Variants in DPP6 observed in about 807,000 individuals in gnomAD.
DPP6 encodes the protein dipeptidyl peptidase like 6.
In DPP6, 69 loss-of-function variants were observed where a neutral mutation model predicts 122.6. The ratio of observed to expected loss-of-function variants is 0.56; its 90% CI spans 0.46 to 0.69. The LOEUF (loss-of-function observed/expected upper bound fraction) is 0.69, where lower values mean the gene tolerates loss of function less well. Ranked by LOEUF, DPP6 falls within the 30% of genes least tolerant of loss-of-function variation. DPP6 has a pLI of 0.00. For missense variants in DPP6, 928 were observed against 1,116.9 expected (o/e 0.83, Z 2.41); for synonymous variants, 418 against 433.1 (o/e 0.97, Z 0.43).
rs574195629 is a variant in DPP6 at position 154,163,782 on chromosome 7, G to A, written c.243+110719G>A. On this transcript the variant is annotated intron_variant, in intron 1 of 25. Coordinates refer to ENST00000377770, the MANE Select transcript of DPP6 (RefSeq NM_130797.4). Reference sequence around the variant, plus strand: ...AAGGTTCCAGGATCTCTGGGGCTGGGTGGAGCTATAGGGGTGGGAAGCACC... The same window carrying A: ...AAGGTTCCAGGATCTCTGGGGCTGGATGGAGCTATAGGGGTGGGAAGCACC... Among the ~76,000 whole-genome samples the A allele has an allele frequency of 9.8e-5, 15 of 152,302 alleles. No individual in the cohort carries two copies. The South Asian group carries it at 3.1e-3, about 32-fold the overall frequency.
At chr7:154,552,209 G>C (rs1001169014) in intron 4 of DPP6, among the ~76,000 whole-genome samples, 2 of 152,096 alleles carry the variant, frequency 1.3e-5, no homozygotes, top group Non-Finnish European at 2.9e-5. Flanking sequence ...GCTTTCCATC[G>C]TGATTGTTTT....
intron 17 of DPP6, among the ~76,000 whole-genome samples, chr7:154,861,719 A>G (rs1803414085): frequency 6.6e-6 from 1 of 152,234 alleles, no homozygotes; most frequent in Non-Finnish European, 1.5e-5. Flanking sequence ...TCTGAGATGC[A>G]TCTCTTAGCG....
intron 1 of DPP6, among the ~76,000 whole-genome samples, chr7:154,175,257 A>G (rs1797740254): frequency 6.6e-6 from 1 of 152,036 alleles, no homozygotes; most frequent in African/African-American, 2.4e-5. Context: ...GTACCTGGCA[A>G]AAGAGACTTT....
At chr7:153,883,745 C>T (rs1798819318), upstream of DPP6, among the ~76,000 whole-genome samples, 1 of 152,208 alleles carries the variant, frequency 6.6e-6, no homozygotes, top group Admixed American at 6.5e-5. Context: ...ATGGCAGTGG[C>T]TCAAGGTAGA....
intron 1 of DPP6, chr7:154,305,406 C>T: frequency 8.6e-7 from 1 of 1,169,028 alleles, no homozygotes; most frequent in Non-Finnish European, 1.1e-6. Context: ...AAATCACACT[C>T]CTCCTTACCT....
At chr7:154,768,683 G>A (rs554671205) in intron 8 of DPP6, among the ~76,000 whole-genome samples, 22 of 152,240 alleles carry the variant, frequency 1.4e-4, no homozygotes, top group Admixed American at 3.9e-4. Flanking sequence ...CTCATCTGTC[G>A]TTAAAACACT....
In DPP6 at chr7:154,501,630, G is replaced by A. The variant is rs562978289; in HGVS notation, c.457+26593G>A. Among the ~76,000 whole-genome samples the A allele has an allele frequency of 4.6e-5, 7 of 152,348 alleles. No homozygotes were observed. In the East Asian group the frequency reaches 1.3e-3, roughly 29 times the overall value. On this transcript the variant is annotated intron_variant, in intron 3 of 25. Coordinates refer to ENST00000377770, the MANE Select transcript of DPP6 (RefSeq NM_130797.4). ...ACAGAAGTCAAGAATTGGGGTTTGG[G>A]AACCTCTGCCTAGATTTCAGAAGAT...
chr7:154,692,948 C>T (rs987726003), intron 7 of DPP6, among the ~76,000 whole-genome samples: 1 of 151,770 alleles, frequency 6.6e-6, no homozygotes, highest in African/African-American at 2.4e-5. Context: ...CACACCACTA[C>T]ACCCGGCTAA....
At position 154,734,955 on chromosome 7, in the gene DPP6, C is replaced by T. The variant is rs549440822; in HGVS notation, c.883+7068C>T. 2.6e-4 allele frequency among the ~76,000 whole-genome samples: 40 copies of T among 152,306 alleles called. 1 individual carries two copies. Among genetic ancestry groups the T allele is most frequent in the African/African-American group, 9.1e-4 (38 of 41,566 alleles). On this transcript the variant is annotated intron_variant, in intron 8 of 25. Transcript: ENST00000377770. ...CGTCTACGTATTGGTGGTACAACTA[C>T]TATTGCTTTACCTTGTAATTTCCCA...
rs370380728 is a variant in DPP6 at position 153,944,126 on chromosome 7, G to C, written c.51+56392G>C. On this transcript the variant is annotated intron_variant, in intron 1 of 25. Transcript: ENST00000404039. ...TTATCAATTGAAGGAAGATTGCATC[G>C]TAAAGCCCTGGAGCACGAGCCTCGT... 3.0e-4 allele frequency among the ~76,000 whole-genome samples: 46 copies of C among 152,288 alleles called. 1 individual carries two copies. The South Asian group carries it at 8.5e-3, about 28-fold the overall frequency.
chr7:154,153,210 G>T (rs1383147352), intron 1 of DPP6, among the ~76,000 whole-genome samples: 3 of 152,186 alleles, frequency 2.0e-5, no homozygotes, highest in South Asian at 4.2e-4. Context: ...TTTATTTTAA[G>T]ATGGAGTTTT....
At chr7:154,354,325 G>A (rs1286685155) in intron 1 of DPP6, among the ~76,000 whole-genome samples, 4 of 152,162 alleles carry the variant, frequency 2.6e-5, no homozygotes, top group African/African-American at 9.7e-5. Context: ...GCCCAGTGTG[G>A]TGTTTTATAT....
intron 7 of DPP6, among the ~76,000 whole-genome samples, chr7:154,678,818 C>G (rs1839099147): frequency 6.6e-6 from 1 of 152,210 alleles, no homozygotes; most frequent in African/African-American, 2.4e-5. Flanking sequence ...GACTGAGAGA[C>G]TTAATCCCTG....
chr7:154,856,943 G>A (rs577574584), intron 17 of DPP6, among the ~76,000 whole-genome samples: 6 of 152,274 alleles, frequency 3.9e-5, no homozygotes, highest in East Asian at 3.9e-4. Flanking sequence ...ACACCATTGC[G>A]CTTGATCTCA....
rs1208329608 is a variant in DPP6, at chr7:154,618,269, T to G, written c.628-19552T>G. Among the ~76,000 whole-genome samples, 1 of 152,136 alleles carries G rather than the reference T, an allele frequency of 6.6e-6. No homozygotes were observed. The highest frequency in any genetic ancestry group is 6.5e-5 in the Admixed American group (1 of 15,276). On this transcript the variant is annotated intron_variant, in intron 5 of 25. Transcript: ENST00000377770. This position sits in a 1 kb window ranked among gnomAD's most constrained non-coding sequence, Gnocchi z 4.1. ...TAATGGGTTTCCAGGGTCGTGTCCT[T>G]TCCCAACCCCTGAGGAAGCTCAGCA...
At chr7:154,109,317 G>A (rs1806396889) in intron 1 of DPP6, among the ~76,000 whole-genome samples, 1 of 151,298 alleles carries the variant, frequency 6.6e-6, no homozygotes, top group African/African-American at 2.5e-5. Context: ...TTTTGAGACA[G>A]TCTTGCTCTG....
chr7:154,521,969 T>TG (rs942025044), intron 3 of DPP6, among the ~76,000 whole-genome samples: 4 of 119,208 alleles, frequency 3.4e-5, no homozygotes, highest in Admixed American at 3.2e-4. Context: ...TTTCTAACTC[T>TG]TTTTTTTTTC....
Position 154,227,292 on chromosome 7 carries a change from G to T in DPP6, c.243+174229G>T, listed in dbSNP as rs150568836. ...AAATTCCGCCATATGCTACAACAAG[G>T]ATGAACCTAGAGGACATTATACTAA... On this transcript the variant is annotated intron_variant, in intron 1 of 25. Transcript: ENST00000377770. 8.1e-4 allele frequency among the ~76,000 whole-genome samples: 121 copies of T among 149,448 alleles called. 1 individual carries two copies. Among genetic ancestry groups the T allele is most frequent in the African/African-American group, 2.8e-3 (116 of 40,732 alleles).
chr7:154,847,235 T>C, intron 16 of DPP6, among the ~76,000 whole-genome samples: 1 of 152,210 alleles, frequency 6.6e-6, no homozygotes, highest in East Asian at 1.9e-4. Flanking sequence ...AGACTAGATG[T>C]CAAGACCGTA....
Sources: allele counts gnomAD v4.1 joint callset (sites outside exome capture counted in the v4.1 genomes callset), GRCh38; gene constraint gnomAD v4.1.1; non-coding constraint Gnocchi (gnomAD v3.1); transcripts MANE v1.5; gene names NCBI Gene and HGNC (gene_info 2026-07-23, HGNC 2026-07-21).